PTPRN2: variants seen among roughly 807,000 people sequenced by gnomAD.
PTPRN2 encodes the protein receptor-type tyrosine-protein phosphatase N2.
PTPRN2 carries 74 observed loss-of-function variants against 118.8 expected under a neutral mutation model. The ratio of observed to expected loss-of-function variants is 0.62; its 90% CI spans 0.52 to 0.76. PTPRN2 has a LOEUF of 0.76. Ranked by LOEUF, PTPRN2 falls within the 30% of genes least tolerant of loss-of-function variation. The pLI, the probability that PTPRN2 is intolerant of heterozygous loss-of-function variation, is 0.00. For missense variants in PTPRN2, 1,481 were observed against 1,394.4 expected (o/e 1.06, Z -0.99); for synonymous variants, 641 against 608.0 (o/e 1.05, Z -0.80).
chr7:158,290,204 AG>A (rs11321137), intron 3 of PTPRN2, among the ~76,000 whole-genome samples: 43,125 of 151,806 alleles, frequency 0.28, 6,370 homozygotes, highest in East Asian at 0.41. Flanking sequence ...GGCTGGCACC[AG>A]GGGTCTATTG....
intron 3 of PTPRN2, among the ~76,000 whole-genome samples, chr7:158,226,125 C>G (rs1828754596): frequency 6.6e-6 from 1 of 152,134 alleles, no homozygotes; most frequent in Non-Finnish European, 1.5e-5. Context: ...TATGAGCCAG[C>G]ACTATTCTAA....
At chr7:158,265,521 C>G (rs1797814721) in intron 3 of PTPRN2, among the ~76,000 whole-genome samples, 1 of 152,162 alleles carries the variant, frequency 6.6e-6, no homozygotes, top group Admixed American at 6.5e-5. Flanking sequence ...ATATATCCCC[C>G]CATGTCCACC....
Position 158,394,117 on chromosome 7 carries a change from C to A in PTPRN2, c.164-77185G>T, listed in dbSNP as rs370165697. On this transcript the variant is annotated intron_variant, in intron 2 of 22. Transcript: ENST00000389418. ...CCCTTCTCTCCCACAGACACCTGGA[C>A]CCCCTCTGTCCCCCACGGACACCTC... Among the ~76,000 whole-genome samples the A allele has an allele frequency of 1.2e-3, 173 of 148,568 alleles. 2 individuals carry two copies. Among genetic ancestry groups the A allele is most frequent in the African/African-American group, 4.1e-3 (165 of 40,312 alleles).
chr7:158,038,294 C>T (rs943007563), intron 11 of PTPRN2, among the ~76,000 whole-genome samples: 8 of 152,160 alleles, frequency 5.3e-5, no homozygotes, highest in African/African-American at 1.9e-4. Flanking sequence ...ACATACACTG[C>T]AGGAGAAAGG....
chr7:158,126,071 C>T (rs1365244171), intron 9 of PTPRN2, among the ~76,000 whole-genome samples: 3 of 136,000 alleles, frequency 2.2e-5, no homozygotes, highest in Non-Finnish European at 4.7e-5. Flanking sequence ...CAGCGGGCGG[C>T]GGAACTTCCT....
At chr7:158,267,011 G>T (rs1243466598) in intron 3 of PTPRN2, among the ~76,000 whole-genome samples, 1 of 152,204 alleles carries the variant, frequency 6.6e-6, no homozygotes, top group African/African-American at 2.4e-5. Context: ...TCACTAAAGG[G>T]CGGGGAAGCT....
rs548280051 is a variant in PTPRN2, at chr7:157,935,588, G to A, written c.1724-36851C>T. Reference sequence around the variant, plus strand: ...TGGAATTGTTGTTAAGTCCTTGTCTGGTTGATTTCAGTGTCTGTATCATTG... The same window carrying A: ...TGGAATTGTTGTTAAGTCCTTGTCTAGTTGATTTCAGTGTCTGTATCATTG... On this transcript the variant is annotated intron_variant, in intron 11 of 22. Transcript: ENST00000389418. Among the ~76,000 whole-genome samples, 12 of 152,294 alleles carry A rather than the reference G, an allele frequency of 7.9e-5. No homozygotes were observed. In the South Asian group the frequency reaches 1.7e-3, roughly 21 times the overall value.
intron 8 of PTPRN2, among the ~76,000 whole-genome samples, 197 bp downstream of exon 8, chr7:158,136,456 AAG>A (rs1262079896): frequency 6.6e-6 from 1 of 152,234 alleles, no homozygotes; most frequent in Non-Finnish European, 1.5e-5. Flanking sequence ...ATAATTTGAA[AAG>A]AGATATTTCG....
chr7:158,394,692 C>T (rs535110136), intron 2 of PTPRN2, among the ~76,000 whole-genome samples: 92 of 152,350 alleles, frequency 6.0e-4, no homozygotes, highest in African/African-American at 2.1e-3. Flanking sequence ...GAAAGGAAGA[C>T]GAGCTAGCGT....
intron 12 of PTPRN2, among the ~76,000 whole-genome samples, chr7:157,782,005 C>T (rs550337065): frequency 7.2e-5 from 11 of 152,362 alleles, no homozygotes; most frequent in Non-Finnish European, 1.0e-4. Context: ...TTGCCACAGA[C>T]GGGAGTAGGT....
rs1803911613 is a variant in PTPRN2, at chr7:157,784,709, T to G, written c.1789-101772A>C. Among the ~76,000 whole-genome samples the G allele has an allele frequency of 6.6e-6, 1 of 151,756 alleles. No homozygotes were observed. Among genetic ancestry groups the G allele is most frequent in the East Asian group, 2.0e-4 (1 of 5,128 alleles). Reference sequence around the variant, plus strand: ...CGTATGAAACGGGCAGGGGCTGAGCTGATCCCGTGGCAGTGCAAACCGAGG... The same window carrying G: ...CGTATGAAACGGGCAGGGGCTGAGCGGATCCCGTGGCAGTGCAAACCGAGG... On this transcript the variant is annotated intron_variant, in intron 12 of 22. Transcript: ENST00000389418. The surrounding 1 kb of genome is among the most constrained non-coding windows in gnomAD (Gnocchi z 4.6).
intron 6 of PTPRN2, among the ~76,000 whole-genome samples, chr7:158,149,273 AG>A (rs1057365453): frequency 1.4e-4 from 22 of 152,238 alleles, no homozygotes; most frequent in African/African-American, 4.3e-4. Flanking sequence ...TCCAACCAAA[AG>A]ACCTCCAAAC....
At chr7:158,523,641 CGGAGTCTGCCCTGGAGT>C (rs1563393107) in intron 1 of PTPRN2, among the ~76,000 whole-genome samples, 6 of 64,958 alleles carry the variant, frequency 9.2e-5, no homozygotes, top group African/African-American at 1.3e-4. Flanking sequence ...TGCCCTGGAG[CGGAGTCTGCCCTGGAGT>C]GGAGTCGTCT....
chr7:157,810,714 G>A (rs1412877012), intron 12 of PTPRN2, among the ~76,000 whole-genome samples: 2 of 144,004 alleles, frequency 1.4e-5, no homozygotes, highest in Non-Finnish European at 3.0e-5. Context: ...GCTCTCCACG[G>A]GGACGGCGGG....
intron 12 of PTPRN2, among the ~76,000 whole-genome samples, chr7:157,699,672 CCCA>C (rs1158633645): frequency 6.6e-6 from 1 of 152,186 alleles, no homozygotes; most frequent in Non-Finnish European, 1.5e-5. Context: ...GGGTGGTCTG[CCCA>C]CCTTGAGCCT....
At chr7:158,266,451 G>A (rs1404680318) in intron 3 of PTPRN2, among the ~76,000 whole-genome samples, 6 of 151,250 alleles carry the variant, frequency 4.0e-5, no homozygotes, top group South Asian at 2.1e-4. Flanking sequence ...TGTCTGCTGC[G>A]GGGTGTTGTC....
rs561938411 is a variant in PTPRN2 at position 157,986,314 on chromosome 7, G to A, written c.1724-87577C>T. Among the ~76,000 whole-genome samples, 13 of 152,320 alleles carry A rather than the reference G, an allele frequency of 8.5e-5. No individual in the cohort carries two copies. The highest frequency in any genetic ancestry group is 2.0e-4 in the Admixed American group (3 of 15,306). On this transcript the variant is annotated intron_variant, in intron 11 of 22. Coordinates refer to ENST00000389418, the MANE Select transcript of PTPRN2 (RefSeq NM_002847.5). The surrounding 1 kb of genome is among the most constrained non-coding windows in gnomAD (Gnocchi z 4.5). ...AAGACTGCCAAGCGGATGAGGCTTCGCTTTAGGACCATGGACTCTGGCGGC... is the reference window on the plus strand; with the variant it reads ...AAGACTGCCAAGCGGATGAGGCTTCACTTTAGGACCATGGACTCTGGCGGC...
chr7:158,185,527 A>G (rs1825063035), intron 5 of PTPRN2, among the ~76,000 whole-genome samples: 1 of 152,186 alleles, frequency 6.6e-6, no homozygotes, highest in African/African-American at 2.4e-5. Flanking sequence ...TATGTATTTG[A>G]AGCTCTGAAA....
chr7:158,261,088 G>A (rs1443052446), intron 3 of PTPRN2, among the ~76,000 whole-genome samples: 2 of 152,152 alleles, frequency 1.3e-5, no homozygotes, highest in Non-Finnish European at 2.9e-5. Context: ...GGGGCGTGAG[G>A]CTCCGACTGG....
Sources: allele counts gnomAD v4.1 joint callset (sites outside exome capture counted in the v4.1 genomes callset), GRCh38; gene constraint gnomAD v4.1.1; non-coding constraint Gnocchi (gnomAD v3.1); transcripts MANE v1.5; gene names NCBI Gene and HGNC (gene_info 2026-07-23, HGNC 2026-07-21).